Variants in RAB10 observed in about 807,000 individuals in gnomAD.
RAB10 encodes RAB10, member RAS oncogene family, also known as ras-related protein Rab-10.
RAB10 carries 5 observed loss-of-function variants against 25.7 expected under a neutral mutation model. That is an observed-to-expected ratio of 0.19 (90% CI 0.10 to 0.41). The LOEUF is 0.41. Among genes scored for constraint, RAB10 ranks in the 10% least tolerant of loss-of-function variants. The probability of loss-of-function intolerance (pLI) is 1.00; values close to 1 mark genes in which losing one functional copy is unlikely to be tolerated. For synonymous variants in RAB10, 89 were observed against 86.4 expected, an observed-to-expected ratio of 1.03 and a Z score of -0.16; for missense variants, 103 against 245.8, an observed-to-expected ratio of 0.42 and a Z score of 3.89.
intron 3 of RAB10, among the ~76,000 whole-genome samples, chr2:26,117,064 G>A (rs1559597632): frequency 6.6e-6 from 1 of 152,136 alleles, no homozygotes; most frequent in Non-Finnish European, 1.5e-5. Context: ...TGTGTTTTCT[G>A]AAGCGTGTTC....
chr2:26,036,594 G>A (rs531164106), intron 1 of RAB10, among the ~76,000 whole-genome samples: 2 of 151,938 alleles, frequency 1.3e-5, no homozygotes, highest in Non-Finnish European at 2.9e-5. Context: ...GGGAGGCGGA[G>A]GTTGCAGTGA....
intron 3 of RAB10, among the ~76,000 whole-genome samples, chr2:26,116,723 A>T (rs1298255525): frequency 6.6e-6 from 1 of 151,442 alleles, no homozygotes; most frequent in African/African-American, 2.4e-5. Flanking sequence ...CACCCAGCTA[A>T]TTTTTTGTAT....
chr2:26,076,898 C>T (rs959804064), intron 1 of RAB10, among the ~76,000 whole-genome samples: 6 of 144,464 alleles, frequency 4.2e-5, no homozygotes, highest in Non-Finnish European at 6.0e-5. Flanking sequence ...GAGCCGAGAT[C>T]ACACCATTGC....
At chr2:26,129,055 G>A (rs145439572) in intron 5 of RAB10, among the ~76,000 whole-genome samples, 7 of 151,954 alleles carry the variant, frequency 4.6e-5, no homozygotes, top group South Asian at 2.1e-4. Context: ...GGTGGATCAC[G>A]AGGTCAGGAG....
intron 1 of RAB10, among the ~76,000 whole-genome samples, chr2:26,076,407 C>T (rs1429408886): frequency 6.6e-6 from 1 of 152,144 alleles, no homozygotes; most frequent in Non-Finnish European, 1.5e-5. Flanking sequence ...CTGACACCAT[C>T]ACAATTTTTT....
chr2:26,034,136 T>G lies in RAB10; in HGVS notation c.-473T>G. 2 of 405,012 alleles carry G rather than the reference T, an allele frequency of 4.9e-6. No individual in the cohort carries two copies. The highest frequency in any genetic ancestry group is 8.7e-6 in the Non-Finnish European group (2 of 229,152). 25.1% of individuals were successfully genotyped at this position (405,012 alleles called of 1,614,324 possible). On this transcript the variant is annotated 5_prime_UTR_variant, in exon 1 of 6. Coordinates refer to ENST00000264710, the MANE Select transcript of RAB10 (RefSeq NM_016131.5). ...AGAGGGCACGGGGAAAAGGTGGCTC[T>G]GGCCGGGGTGGCTCGGTTTCCTGGG... is the stretch of plus-strand genomic sequence containing the variant.
intron 1 of RAB10, among the ~76,000 whole-genome samples, chr2:26,083,484 C>G (rs985952881): frequency 7.5e-6 from 1 of 133,046 alleles, no homozygotes; most frequent in Non-Finnish European, 1.6e-5. Flanking sequence ...CCTGTACTTT[C>G]CTTTTGTCTC....
At chr2:26,037,877 T>C (rs1296675169) in intron 1 of RAB10, among the ~76,000 whole-genome samples, 2 of 152,000 alleles carry the variant, frequency 1.3e-5, no homozygotes, top group African/African-American at 4.8e-5. Flanking sequence ...TTGTTGGTGC[T>C]CCACTAAACA....
chr2:26,086,160 C>CA (rs1280935325), intron 1 of RAB10, among the ~76,000 whole-genome samples: 2 of 151,230 alleles, frequency 1.3e-5, no homozygotes, highest in African/African-American at 2.4e-5. Flanking sequence ...ACTAAAAATA[C>CA]AAAAAAAAGT....
At chr2:26,056,721 G>A (rs949442636) in intron 1 of RAB10, among the ~76,000 whole-genome samples, 3 of 152,034 alleles carry the variant, frequency 2.0e-5, no homozygotes, top group African/African-American at 7.2e-5. Flanking sequence ...TTGAACTCTC[G>A]GGCTCAAGCA....
chr2:26,081,222 C>T (rs988401979), intron 1 of RAB10, among the ~76,000 whole-genome samples: 2 of 152,204 alleles, frequency 1.3e-5, no homozygotes, highest in African/African-American at 4.8e-5. Flanking sequence ...CATTAAACCT[C>T]TTTCAATAGT....
At chr2:26,098,549 A>G (rs1294244278) in intron 1 of RAB10, 113 bp from the exon 2 acceptor site, 2 of 759,646 alleles carry the variant, frequency 2.6e-6, no homozygotes, top group African/African-American at 3.6e-5. Flanking sequence ...GAATATCTGG[A>G]ATCAAACAAA....
intron 5 of RAB10, among the ~76,000 whole-genome samples, chr2:26,131,353 G>A (rs1186996389): frequency 2.0e-5 from 3 of 152,116 alleles, no homozygotes; most frequent in African/African-American, 4.8e-5. Context: ...GCTGTGTGCA[G>A]GCTGCAGGTT....
chr2:26,126,377 C>T (rs1289659261), intron 3 of RAB10, among the ~76,000 whole-genome samples: 4 of 152,120 alleles, frequency 2.6e-5, no homozygotes, highest in South Asian at 4.2e-4. Context: ...CAGGAGTTCG[C>T]GATCAGCCTG....
chr2:26,049,440 C>T (rs1666085334), intron 1 of RAB10, among the ~76,000 whole-genome samples: 1 of 149,052 alleles, frequency 6.7e-6, no homozygotes, highest in Admixed American at 6.7e-5. Context: ...TGGAGTTTAG[C>T]TCTTGTTGCC....
At chr2:26,102,463 G>A (rs1465339147) in intron 2 of RAB10, among the ~76,000 whole-genome samples, 1 of 144,552 alleles carries the variant, frequency 6.9e-6, no homozygotes, top group African/African-American at 2.7e-5. Context: ...TTTTGAGACG[G>A]AGTCTCGCTC....
chr2:26,118,323 CT>C (rs750682172), intron 3 of RAB10, among the ~76,000 whole-genome samples: 1 of 146,814 alleles, frequency 6.8e-6, no homozygotes, highest in South Asian at 2.2e-4. Flanking sequence ...CCTCCTCCCC[CT>C]TTTTTTTGAG....
chr2:26,040,640 A>G (rs1261762238), intron 1 of RAB10, among the ~76,000 whole-genome samples: 1 of 152,116 alleles, frequency 6.6e-6, no homozygotes, highest in African/African-American at 2.4e-5. Flanking sequence ...CCTGGGTGAC[A>G]GAGCGAGACC....
intron 1 of RAB10, among the ~76,000 whole-genome samples, chr2:26,067,748 C>G (rs112287047): frequency 3.3e-5 from 5 of 152,246 alleles, no homozygotes; most frequent in African/African-American, 1.2e-4. Flanking sequence ...GCACATCTCA[C>G]ATGACTACTG....
Sources: allele counts gnomAD v4.1 joint callset (sites outside exome capture counted in the v4.1 genomes callset), GRCh38; gene constraint gnomAD v4.1.1; transcripts MANE v1.5; gene names NCBI Gene and HGNC (gene_info 2026-07-23, HGNC 2026-07-21).